GALNTL6: variants seen among roughly 807,000 people sequenced by gnomAD.
GALNTL6 encodes the protein polypeptide N-acetylgalactosaminyltransferase-like 6.
In GALNTL6, 46 loss-of-function variants were observed where a neutral mutation model predicts 73.7. The ratio of observed to expected loss-of-function variants is 0.62; its 90% CI spans 0.49 to 0.80. GALNTL6 has a LOEUF of 0.80. Ranked by LOEUF, GALNTL6 falls within the 30% of genes least tolerant of loss-of-function variation. The pLI is 0.00. For synonymous variants in GALNTL6, 259 were observed against 263.7 expected (o/e 0.98, Z 0.17); for missense variants, 604 against 755.0 (o/e 0.80, Z 2.34).
At chr4:171,822,648 C>G (rs1734716925) in intron 2 of GALNTL6, among the ~76,000 whole-genome samples, 1 of 152,084 alleles carries the variant, frequency 6.6e-6, no homozygotes, top group African/African-American at 2.4e-5. Flanking sequence ...TACATAAAAT[C>G]TACCACTATC....
chr4:171,998,907 C>A (rs1033535640), intron 2 of GALNTL6, among the ~76,000 whole-genome samples: 2 of 152,272 alleles, frequency 1.3e-5, no homozygotes, highest in South Asian at 4.1e-4. Flanking sequence ...CAGGTCCACC[C>A]TCTGCTATGT....
At chr4:171,934,511 T>C (rs975114989) in intron 2 of GALNTL6, among the ~76,000 whole-genome samples, 29 of 152,158 alleles carry the variant, frequency 1.9e-4, no homozygotes, top group Admixed American at 9.8e-4. Context: ...TTTCCCAGGC[T>C]CATGTGATTC....
intron 2 of GALNTL6, among the ~76,000 whole-genome samples, chr4:172,127,360 T>C (rs1167042048): frequency 6.6e-6 from 1 of 152,192 alleles, no homozygotes; most frequent in Non-Finnish European, 1.5e-5. Flanking sequence ...GTTGGGCCCA[T>C]CCAGCCTGCC....
chr4:171,843,092 G>A (rs1015415451), intron 2 of GALNTL6, among the ~76,000 whole-genome samples: 3 of 152,078 alleles, frequency 2.0e-5, no homozygotes, highest in African/African-American at 7.2e-5. Context: ...AGGAGGGCTG[G>A]TGAGGTGACT....
At chr4:172,584,363 G>A (rs928640221) in intron 5 of GALNTL6, among the ~76,000 whole-genome samples, 4 of 152,110 alleles carry the variant, frequency 2.6e-5, no homozygotes, top group African/African-American at 7.2e-5. Flanking sequence ...TTTGACCAAA[G>A]CATAGAGATT....
At chr4:172,016,332 T>G (rs1741192256) in intron 2 of GALNTL6, among the ~76,000 whole-genome samples, 1 of 152,098 alleles carries the variant, frequency 6.6e-6, no homozygotes, top group Admixed American at 6.6e-5. Context: ...CTGAAATTCT[T>G]TCTTCTACTT....
At chr4:172,988,901 A>G (rs1751417749) in intron 10 of GALNTL6, among the ~76,000 whole-genome samples, 1 of 152,212 alleles carries the variant, frequency 6.6e-6, no homozygotes, top group Admixed American at 6.5e-5. Flanking sequence ...TCTAGATCTC[A>G]GAGAATGTAT....
chr4:172,026,410 G>T (rs1296058081), intron 2 of GALNTL6, among the ~76,000 whole-genome samples: 1 of 152,060 alleles, frequency 6.6e-6, no homozygotes, highest in Non-Finnish European at 1.5e-5. Context: ...AACAAATTTT[G>T]TAATCAGAAA....
intron 7 of GALNTL6, among the ~76,000 whole-genome samples, chr4:172,860,362 G>A (rs1744334157): frequency 6.6e-6 from 1 of 152,112 alleles, no homozygotes; most frequent in South Asian, 2.1e-4. Context: ...TTGAGTGCAA[G>A]CATAATGACA....
At chr4:172,949,812 G>A (rs1345045109) in intron 9 of GALNTL6, among the ~76,000 whole-genome samples, 2 of 151,818 alleles carry the variant, frequency 1.3e-5, no homozygotes, top group Non-Finnish European at 2.9e-5. Flanking sequence ...GGGAGGCTGA[G>A]GCAGGAGAAT....
chr4:171,946,385 C>T (rs1482653056), intron 2 of GALNTL6, among the ~76,000 whole-genome samples: 2 of 152,148 alleles, frequency 1.3e-5, no homozygotes, highest in Non-Finnish European at 2.9e-5. Flanking sequence ...CTAGTTACTG[C>T]TTTTACAGCC....
chr4:172,343,389 G>T (rs7689985), intron 4 of GALNTL6, among the ~76,000 whole-genome samples: 3 of 152,056 alleles, frequency 2.0e-5, no homozygotes, highest in Admixed American at 2.0e-4. Flanking sequence ...TAACCTAAAT[G>T]CCTGTAATAT....
intron 2 of GALNTL6, among the ~76,000 whole-genome samples, chr4:172,030,748 T>G (rs1489376966): frequency 6.6e-6 from 1 of 151,386 alleles, no homozygotes; most frequent in Non-Finnish European, 1.5e-5. Context: ...TTATATATTT[T>G]ATTTTATATA....
chr4:172,645,010 G>A (rs1740172906), intron 5 of GALNTL6, among the ~76,000 whole-genome samples: 1 of 151,918 alleles, frequency 6.6e-6, no homozygotes. Flanking sequence ...TAATGTGTCT[G>A]TTCAACCCTT....
intron 5 of GALNTL6, among the ~76,000 whole-genome samples, chr4:172,635,759 A>C (rs1211507737): frequency 1.4e-4 from 22 of 152,166 alleles, no homozygotes; most frequent in Admixed American, 1.4e-3. Flanking sequence ...CTTGATGTAG[A>C]CAATATTATT....
chr4:172,620,163 G>A (rs1301298404), intron 5 of GALNTL6, among the ~76,000 whole-genome samples: 1 of 152,184 alleles, frequency 6.6e-6, no homozygotes, highest in Non-Finnish European at 1.5e-5. Context: ...ACATGATATA[G>A]TAATGTATGC....
At chr4:172,008,944 A>G (rs1197076272) in intron 2 of GALNTL6, among the ~76,000 whole-genome samples, 4 of 152,104 alleles carry the variant, frequency 2.6e-5, no homozygotes, top group Admixed American at 2.0e-4. Context: ...AAGATTGATA[A>G]TATGCTTTAA....
chr4:172,826,293 T>C (rs1343502435), intron 7 of GALNTL6, among the ~76,000 whole-genome samples: 1 of 152,238 alleles, frequency 6.6e-6, no homozygotes, highest in Non-Finnish European at 1.5e-5. Flanking sequence ...GGAGAATTGC[T>C]CCTTAGCGTC....
intron 5 of GALNTL6, among the ~76,000 whole-genome samples, chr4:172,492,214 T>C (rs1733922373): frequency 6.6e-6 from 1 of 152,224 alleles, no homozygotes; most frequent in Non-Finnish European, 1.5e-5. Flanking sequence ...TAAAATCCAT[T>C]AGTGTGATAT....
Sources: gnomAD v4.1 joint callset for allele counts (sites outside exome capture counted in the v4.1 genomes callset) on GRCh38, gnomAD v4.1.1 for gene constraint, MANE v1.5 for transcripts, NCBI Gene and HGNC (gene_info 2026-07-23, HGNC 2026-07-21) for gene names.